Variants in CP observed in about 807,000 individuals in gnomAD.
CP encodes caeruloplasmin.
In CP, 64 loss-of-function variants were observed where a neutral mutation model predicts 122.4. The ratio of observed to expected loss-of-function variants is 0.52; its 90% CI spans 0.43 to 0.64. The LOEUF is 0.64. Among genes scored for constraint, CP ranks in the 30% least tolerant of loss-of-function variants. The pLI, the probability that CP is intolerant of heterozygous loss-of-function variation, is 0.00. For synonymous variants in CP, 440 were observed against 436.4 expected (o/e 1.01, Z -0.10); for missense variants, 1,167 against 1,284.4 (o/e 0.91, Z 1.40).
chr3:149,212,992 C>T (rs1194067023), intron 1 of CP, among the ~76,000 whole-genome samples: 1 of 152,102 alleles, frequency 6.6e-6, no homozygotes, highest in Non-Finnish European at 1.5e-5. Flanking sequence ...TATTAAGACA[C>T]AGGCATATTA....
Position 149,210,161 on chromosome 3 carries a change from A to C in CP, c.607+6T>G. The C allele has an allele frequency of 6.2e-7, 1 of 1,613,506 alleles. No homozygotes were observed. Among genetic ancestry groups the C allele is most frequent in the Non-Finnish European group, 8.5e-7 (1 of 1,179,500 alleles). On this transcript the variant is annotated splice_donor_region_variant and intron_variant, in intron 3 of 18. Transcript: ENST00000264613. ...ATATAGCATGTGCAATAAGGAGAAG[A>C]TGTACCTTTTTTACAGATTATTAAA...
At chr3:149,177,552 A>G in intron 17 of CP, among the ~76,000 whole-genome samples, 1 of 152,164 alleles carries the variant, frequency 6.6e-6, no homozygotes, top group Non-Finnish European at 1.5e-5. Flanking sequence ...TCATCTCTAG[A>G]TTATTATAAT....
chr3:149,185,113 G>A (rs1351653544), intron 12 of CP, 126 bp downstream of exon 12: 9 of 774,324 alleles, frequency 1.2e-5, no homozygotes, highest in Non-Finnish European at 1.7e-5. Context: ...TGTTGTTGTT[G>A]TTGTTGTTGT....
At position 149,206,327 on chromosome 3, in the gene CP, G is replaced by T. The variant is rs386134127; in HGVS notation, c.1049C>A (p.Ala350Asp). The change falls in exon 6 of 19, where the codon GCC (alanine) becomes GAC (aspartate). Residue 350 changes from alanine (A) to aspartate (D), a missense_variant. This residue lies in a region of CP where 642 missense variants were observed against 627.3 expected (regional missense o/e 1.02). Coordinates refer to ENST00000264613, the MANE Select transcript of CP (RefSeq NM_000096.4). ...GTTACACTCCTGGACCTGGAAAAAG[G>T]CTTGCAAACCGGCTGAAATGAAACA... ...NLNHLKAGLQAFFQVQECNKS... is the reference protein window; with the variant it reads ...NLNHLKAGLQDFFQVQECNKS... The T allele has an allele frequency of 1.2e-6, 2 of 1,613,846 alleles. No homozygotes were observed. The highest frequency in any genetic ancestry group is 1.7e-6 in the Non-Finnish European group (2 of 1,179,796).
At chr3:149,209,461 G>T in intron 3 of CP, 77 bp from the exon 4 acceptor site, 1 of 1,422,092 alleles carries the variant, frequency 7.0e-7, no homozygotes, top group Non-Finnish European at 9.7e-7. Flanking sequence ...GTGATTTATA[G>T]TTTTTAAAAA....
chr3:149,206,258 T>C lies in CP; in HGVS notation c.1118A>G (p.His373Arg). The change falls in exon 6 of 19, where the codon CAC becomes CGC. Residue 373 changes from histidine (H) to arginine (R), a missense_variant. Transcript: ENST00000264613. ...KDNIRGKHVR[H>R]YYIAAEEIIW... is the part of the protein sequence containing the mutation. ...GATTTCCTCAGCGGCAATGTAGTAG[T>C]GTCTAACATGCTTCCCACGGATATT... 1 of 1,614,058 alleles carries C rather than the reference T, an allele frequency of 6.2e-7. No homozygotes were observed. Among genetic ancestry groups the C allele is most frequent in the Non-Finnish European group, 8.5e-7 (1 of 1,179,902 alleles).
At chr3:149,218,553 A>T (rs551487402) in intron 1 of CP, among the ~76,000 whole-genome samples, 1 of 152,186 alleles carries the variant, frequency 6.6e-6, no homozygotes, top group Non-Finnish European at 1.5e-5. Flanking sequence ...CAGTGTTTTC[A>T]GTTGCACTAA....
At chr3:149,210,400 A>C in intron 2 of CP, 21 bp from the exon 3 acceptor site, 1 of 1,601,102 alleles carries the variant, frequency 6.2e-7, no homozygotes, top group Non-Finnish European at 8.6e-7. Flanking sequence ...ACATGCAATG[A>C]AGGTGCAAAG....
At chr3:149,191,544 T>A (rs1217259855) in intron 9 of CP, among the ~76,000 whole-genome samples, 1 of 140,148 alleles carries the variant, frequency 7.1e-6, no homozygotes, top group Non-Finnish European at 1.5e-5. Flanking sequence ...ACAGAGATGT[T>A]CTCATTAAGA....
chr3:149,181,868 C>G, intron 14 of CP, 137 bp downstream of exon 14: 1 of 957,292 alleles, frequency 1.0e-6, no homozygotes, highest in East Asian at 2.5e-5. Context: ...TACACACAGA[C>G]ACCTCCTTGC....
rs866709072 is a variant in CP at position 149,186,384 on chromosome 3, C to G, written c.2077+136G>C. Reference sequence around the variant, plus strand: ...TTCAGCTGATAGTGGCCTAGACTTGCTCTTTCAAAGATAGGAAGGGCACTT... The same window carrying G: ...TTCAGCTGATAGTGGCCTAGACTTGGTCTTTCAAAGATAGGAAGGGCACTT... On this transcript the variant is annotated intron_variant, in intron 11 of 18. Transcript: ENST00000264613. 47 of 808,160 alleles carry G rather than the reference C, an allele frequency of 5.8e-5. No homozygotes were observed. The South Asian group carries it at 6.5e-4, about 11-fold the overall frequency. The allele number at this position is 808,160 out of a possible 1,614,324, so 50.1% of individuals were successfully genotyped here. A position where few individuals can be genotyped will look rare whatever the true frequency, so the allele number is the denominator to read the frequency against.
intron 15 of CP, 94 bp downstream of exon 15, chr3:149,179,462 G>A (rs755604067): frequency 3.9e-5 from 37 of 938,310 alleles, no homozygotes; most frequent in Non-Finnish European, 5.1e-5. Context: ...GGATTTTAAC[G>A]TAGAATTGGA....
Position 149,202,192 on chromosome 3 carries a change from A to G in CP, c.1258T>C (p.Tyr420His), listed in dbSNP as rs759077460. Residue 420 changes from tyrosine (Y) to histidine (H), a missense_variant, in exon 7 of 19, where the codon TAT becomes CAT. Physicochemically the swap from Tyr to His is moderately conservative, Grantham distance 83 (BLOSUM62 2). Around this residue, in one of 2 missense-constraint regions of CP, gnomAD observed 642 missense variants for 627.3 expected, o/e 1.02. Transcript: ENST00000264613. Reference sequence around the variant, plus strand: ...TACTCACGATAAACCAGCTTTTTATAAGAGCCTCCAATTCTTGTGGTACCT... The same window carrying G: ...TACTCACGATAAACCAGCTTTTTATGAGAGCCTCCAATTCTTGTGGTACCT... The part of the protein sequence containing the change: ...EQGTTRIGGS[Y>H]KKLVYREYTD... 1.2e-6 allele frequency: 2 copies of G among 1,614,152 alleles called. No individual in the cohort carries two copies. Among genetic ancestry groups the G allele is most frequent in the East Asian group, 2.2e-5 (1 of 44,880 alleles).
chr3:149,205,989 C>A (rs1727685808), intron 6 of CP, among the ~76,000 whole-genome samples, 179 bp downstream of exon 6: 1 of 152,098 alleles, frequency 6.6e-6, no homozygotes, highest in Non-Finnish European at 1.5e-5. Flanking sequence ...TTTTCATGGA[C>A]TCAAAACTCA....
rs543448136 is a variant in CP, at chr3:149,200,037, G to C, written c.1349-173C>G. ...AAGTCCATAATCAATCTGATATGTCGAGGTTGGAAGGAGAGAAGGGCTTTT... is the reference window on the plus strand; with the variant it reads ...AAGTCCATAATCAATCTGATATGTCCAGGTTGGAAGGAGAGAAGGGCTTTT... On this transcript the variant is annotated intron_variant, in intron 7 of 18. Transcript: ENST00000264613. 14 of 650,838 alleles carry C rather than the reference G, an allele frequency of 2.2e-5. No homozygotes were observed. The South Asian group carries it at 2.2e-4, about 10-fold the overall frequency. The allele number at this position is 650,838 out of a possible 1,614,324, so 40.3% of individuals were successfully genotyped here.
In CP at chr3:149,176,402, A is replaced by G; in HGVS notation, c.3029T>C (p.Val1010Ala). 6.2e-7 allele frequency: 1 copy of G among 1,609,256 alleles called. No individual in the cohort carries two copies. Among genetic ancestry groups the G allele is most frequent in the Admixed American group, 1.7e-5 (1 of 59,960 alleles). Residue 1010 changes from valine to alanine, a missense_variant, in exon 18 of 19, where the codon GTT becomes GCT. This residue lies in a region of CP where 525 missense variants were observed against 657.2 expected (regional missense o/e 0.80). Coordinates refer to ENST00000264613, the MANE Select transcript of CP (RefSeq NM_000096.4). ...AATGTCAAAGACATCAGAACTATAA[A>G]CTCCCCTGTGCTTAATTAGAAAAAT... ...GHSFQYKHRG[V>A]YSSDVFDIFP...
intron 7 of CP, among the ~76,000 whole-genome samples, chr3:149,200,787 G>A (rs750526177): frequency 2.6e-5 from 4 of 152,028 alleles, no homozygotes; most frequent in Non-Finnish European, 5.9e-5. Flanking sequence ...TGGGAATACA[G>A]GCATGAGCCA....
intron 18 of CP, among the ~76,000 whole-genome samples, chr3:149,174,514 GA>G (rs1725284190): frequency 6.6e-6 from 1 of 152,180 alleles, no homozygotes; most frequent in Non-Finnish European, 1.5e-5. Flanking sequence ...GAATCTGGGT[GA>G]AAGGTATATG....
chr3:149,218,503 C>T (rs1034720451), intron 1 of CP, among the ~76,000 whole-genome samples: 1 of 151,812 alleles, frequency 6.6e-6, no homozygotes, highest in African/African-American at 2.4e-5. Flanking sequence ...TTTTTTTAGT[C>T]CCCCCCAAAA....
Sources: gnomAD v4.1 joint callset for allele counts (sites outside exome capture counted in the v4.1 genomes callset) on GRCh38, gnomAD v4.1.1 for gene constraint, gnomAD v4.1.1 regional missense constraint, MANE v1.5 for transcripts, NCBI Gene and HGNC (gene_info 2026-07-23, HGNC 2026-07-21) for gene names.